NREP: variants seen among roughly 807,000 people sequenced by gnomAD.
NREP encodes neuronal regeneration-related protein.
NREP carries 5 observed loss-of-function variants against 8.6 expected under a neutral mutation model. The ratio of observed to expected loss-of-function variants is 0.58; its 90% CI spans 0.30 to 1.22. The LOEUF is 1.22. Ranked by LOEUF, NREP falls within the 50% of genes most tolerant of loss-of-function variation. The pLI is 0.07. For synonymous variants in NREP, 27 were observed against 28.0 expected (o/e 0.96, Z 0.11); for missense variants, 86 against 82.5 (o/e 1.04, Z -0.17).
intron 2 of NREP, among the ~76,000 whole-genome samples, chr5:111,962,286 A>T (rs1000218118): frequency 1.3e-5 from 2 of 152,164 alleles, no homozygotes; most frequent in African/African-American, 4.8e-5. Flanking sequence ...AACTTACATC[A>T]TTAAAAAAAA....
intron 2 of NREP, among the ~76,000 whole-genome samples, chr5:111,823,724 C>A (rs756680172): frequency 6.6e-6 from 1 of 152,142 alleles, no homozygotes; most frequent in Non-Finnish European, 1.5e-5. Flanking sequence ...CAAAATTTCA[C>A]TAAATTCTTA....
chr5:111,909,871 C>A lies in NREP; in HGVS notation c.135+65403G>T, dbSNP rs1205436314. ...GTTATGCAAAATTGGATACATTGCT[C>A]TGCTGTCGCTGCATTATCATCCTTG... is the stretch of plus-strand genomic sequence containing the variant. On this transcript the variant is annotated intron_variant, in intron 2 of 3. Coordinates refer to the NREP transcript ENST00000395634. 2.6e-5 allele frequency among the ~76,000 whole-genome samples: 4 copies of A among 152,204 alleles called. No individual in the cohort carries two copies. The East Asian group carries it at 7.7e-4, about 29-fold the overall frequency.
At chr5:111,935,332 T>C (rs1755653377) in intron 2 of NREP, among the ~76,000 whole-genome samples, 1 of 151,982 alleles carries the variant, frequency 6.6e-6, no homozygotes, top group Non-Finnish European at 1.5e-5. Flanking sequence ...CAGCACGGCT[T>C]GGACTTAGCA....
At chr5:111,863,439 G>A (rs1426986957) in intron 2 of NREP, among the ~76,000 whole-genome samples, 6 of 152,136 alleles carry the variant, frequency 3.9e-5, no homozygotes, top group African/African-American at 1.4e-4. Context: ...AAAGAGGTCT[G>A]TGCTGAAAAT....
At chr5:111,888,537 T>C (rs1406970673) in intron 2 of NREP, among the ~76,000 whole-genome samples, 2 of 152,148 alleles carry the variant, frequency 1.3e-5, no homozygotes, top group Non-Finnish European at 2.9e-5. Flanking sequence ...TCAATTACCT[T>C]CACCTAGTCC....
At chr5:111,872,237 G>A (rs1753808053) in intron 2 of NREP, among the ~76,000 whole-genome samples, 1 of 152,010 alleles carries the variant, frequency 6.6e-6, no homozygotes, top group Non-Finnish European at 1.5e-5. Flanking sequence ...CCAGGAAGAG[G>A]TAATGTTTCA....
intron 2 of NREP, among the ~76,000 whole-genome samples, chr5:111,790,043 T>C (rs1751703771): frequency 6.6e-6 from 1 of 152,134 alleles, no homozygotes; most frequent in Non-Finnish European, 1.5e-5. Context: ...GTTTTCTTTA[T>C]ATAGAAAGAA....
chr5:111,782,260 A>C (rs1284743899), intron 2 of NREP, among the ~76,000 whole-genome samples: 1 of 152,212 alleles, frequency 6.6e-6, no homozygotes, highest in Non-Finnish European at 1.5e-5. Flanking sequence ...CATGTAGAGT[A>C]CAAAAAGTTC....
chr5:111,735,201 G>A lies in NREP; in HGVS notation c.81+229C>T, dbSNP rs544142934. ...CTGTACTTTGATAAACTGATTCCAT[G>A]TTTTAAATGAAAATTTTTCATTTAT... On this transcript the variant is annotated intron_variant, in intron 3 of 3. Transcript: ENST00000257435. 1.7e-5 allele frequency: 7 copies of A among 423,154 alleles called. No homozygotes were observed. The East Asian group carries it at 2.8e-4, about 17-fold the overall frequency. 26.2% of individuals were successfully genotyped at this position (423,154 alleles called of 1,614,324 possible). A position where few individuals can be genotyped will look rare whatever the true frequency, so the allele number is the denominator to read the frequency against.
At chr5:111,769,182 T>C (rs1370308510) in intron 2 of NREP, among the ~76,000 whole-genome samples, 1 of 152,236 alleles carries the variant, frequency 6.6e-6, no homozygotes, top group Non-Finnish European at 1.5e-5. Context: ...GCTTCCCTGA[T>C]GGCTGTGGTT....
intron 2 of NREP, among the ~76,000 whole-genome samples, chr5:111,778,795 A>C (rs1055164472): frequency 6.6e-6 from 1 of 152,158 alleles, no homozygotes; most frequent in Non-Finnish European, 1.5e-5. Flanking sequence ...CCCTCAAATA[A>C]AATTCACTAT....
At chr5:111,745,899 C>CTAAAGATGGACAAATGGAAAGA (rs1749971056) in intron 2 of NREP, among the ~76,000 whole-genome samples, 1 of 152,068 alleles carries the variant, frequency 6.6e-6, no homozygotes, top group African/African-American at 2.4e-5. Context: ...CCAGCCAGTT[C>CTAAAGATGGACAAATGGAAAGA]TAAAGATGGA....
chr5:111,837,584 T>C (rs901222140), intron 2 of NREP, among the ~76,000 whole-genome samples: 1 of 152,092 alleles, frequency 6.6e-6, no homozygotes, highest in East Asian at 1.9e-4. Context: ...CTTACCTTTC[T>C]AGTAAGTATT....
intron 2 of NREP, among the ~76,000 whole-genome samples, chr5:111,874,499 C>G (rs1330504766): frequency 1.3e-5 from 2 of 152,084 alleles, no homozygotes; most frequent in Non-Finnish European, 2.9e-5. Context: ...GTGAGGGTAA[C>G]CCTGTCTATG....
chr5:111,895,105 T>C (rs1754476834), intron 2 of NREP, among the ~76,000 whole-genome samples: 2 of 152,196 alleles, frequency 1.3e-5, no homozygotes, highest in Non-Finnish European at 2.9e-5. Context: ...TTAGAGATAA[T>C]TTGATAGAGG....
At chr5:111,795,359 A>T (rs1284955585) in intron 2 of NREP, among the ~76,000 whole-genome samples, 1 of 152,188 alleles carries the variant, frequency 6.6e-6, no homozygotes, top group East Asian at 1.9e-4. Context: ...ACAAGGAAGG[A>T]CTGCAAAGCA....
intron 2 of NREP, among the ~76,000 whole-genome samples, chr5:111,928,293 C>T (rs1755445626): frequency 1.3e-5 from 2 of 152,052 alleles, no homozygotes; most frequent in Admixed American, 6.6e-5. Context: ...AATAGAGATG[C>T]TTTAAATATA....
At chr5:111,863,138 T>TA (rs769439670) in intron 2 of NREP, among the ~76,000 whole-genome samples, 1 of 151,826 alleles carries the variant, frequency 6.6e-6, no homozygotes, top group Non-Finnish European at 1.5e-5. Flanking sequence ...AGTGTCCAGG[T>TA]AAAAAATGGT....
At chr5:111,829,181 G>T (rs1752702252) in intron 2 of NREP, among the ~76,000 whole-genome samples, 1 of 152,168 alleles carries the variant, frequency 6.6e-6, no homozygotes, top group Non-Finnish European at 1.5e-5. Context: ...AGGTTGCAAA[G>T]CAAACCGTGT....
Sources: gnomAD v4.1 joint callset for allele counts (sites outside exome capture counted in the v4.1 genomes callset) on GRCh38, gnomAD v4.1.1 for gene constraint, MANE v1.5 for transcripts, NCBI Gene and HGNC (gene_info 2026-07-23, HGNC 2026-07-21) for gene names.